The following PDE4B variants were observed in gnomAD, a reference collection of about 807,000 sequenced individuals.
The protein encoded by PDE4B is phosphodiesterase 4B, also known as 3',5'-cyclic-AMP phosphodiesterase 4B.
In PDE4B, 20 loss-of-function variants were observed where a neutral mutation model predicts 82.2. The ratio of observed to expected loss-of-function variants is 0.24; its 90% CI spans 0.17 to 0.35. The LOEUF is 0.35. Ranked by LOEUF, PDE4B falls within the 10% of genes least tolerant of loss-of-function variation. PDE4B has a pLI of 1.00. For synonymous variants in PDE4B, 320 were observed against 318.9 expected (o/e 1.00, Z -0.04); for missense variants, 655 against 907.2 (o/e 0.72, Z 3.57).
intron 3 of PDE4B, among the ~76,000 whole-genome samples, chr1:66,216,257 AATT>A (rs1650448245): frequency 6.6e-6 from 1 of 151,394 alleles, no homozygotes; most frequent in South Asian, 2.1e-4. Context: ...TATCTATTTC[AATT>A]GATAGGTTAA....
intron 3 of PDE4B, among the ~76,000 whole-genome samples, chr1:66,219,205 C>T (rs541060708): frequency 2.6e-5 from 4 of 151,912 alleles, no homozygotes; most frequent in African/African-American, 4.8e-5. Flanking sequence ...GGTGCAGTGG[C>T]GAGGGCAACA....
At chr1:65,888,422 C>T (rs1239612104) in intron 1 of PDE4B, among the ~76,000 whole-genome samples, 2 of 152,058 alleles carry the variant, frequency 1.3e-5, no homozygotes, top group South Asian at 2.1e-4. Flanking sequence ...ATTGCTTTGG[C>T]AGTTCAGACT....
At chr1:66,071,266 A>C (rs554734340) in intron 3 of PDE4B, among the ~76,000 whole-genome samples, 1 of 152,050 alleles carries the variant, frequency 6.6e-6, no homozygotes, top group Non-Finnish European at 1.5e-5. Flanking sequence ...TTGGCTGTCC[A>C]CTTACTATAT....
intron 3 of PDE4B, among the ~76,000 whole-genome samples, chr1:66,044,413 A>G (rs1654568774): frequency 6.6e-6 from 1 of 151,754 alleles, no homozygotes; most frequent in African/African-American, 2.4e-5. Flanking sequence ...GCCGAATGAA[A>G]AGACATATGT....
intron 1 of PDE4B, among the ~76,000 whole-genome samples, chr1:65,894,625 G>A (rs1007428542): frequency 6.6e-6 from 1 of 152,094 alleles, no homozygotes; most frequent in South Asian, 2.1e-4. Flanking sequence ...CATATATCTT[G>A]TAAATAATTT....
At chr1:66,227,092 G>T (rs1312832664) in intron 3 of PDE4B, among the ~76,000 whole-genome samples, 2 of 152,234 alleles carry the variant, frequency 1.3e-5, no homozygotes, top group Non-Finnish European at 2.9e-5. Context: ...TGATTGAGAA[G>T]GGAAGGACTG....
chr1:65,998,759 A>T (rs1418067630), intron 3 of PDE4B, among the ~76,000 whole-genome samples: 1 of 152,078 alleles, frequency 6.6e-6, no homozygotes, highest in African/African-American at 2.4e-5. Flanking sequence ...TCAAACAATC[A>T]GCAAAGGTGC....
chr1:66,222,086 G>T (rs1331766143), intron 3 of PDE4B, among the ~76,000 whole-genome samples: 8 of 152,094 alleles, frequency 5.3e-5, no homozygotes, highest in African/African-American at 1.9e-4. Context: ...TACCATATTA[G>T]CTCTGGCTTC....
chr1:66,232,269 T>C (rs991775739), intron 3 of PDE4B, among the ~76,000 whole-genome samples: 2 of 152,232 alleles, frequency 1.3e-5, no homozygotes, highest in African/African-American at 4.8e-5. Flanking sequence ...GCAAAAGCAG[T>C]GCAGAGACAG....
At chr1:66,364,579 A>G (rs1012536776) in intron 12 of PDE4B, among the ~76,000 whole-genome samples, 13 of 152,170 alleles carry the variant, frequency 8.5e-5, no homozygotes, top group Admixed American at 7.9e-4. Context: ...AAGGTGAAAA[A>G]AGATTGGCCA....
At chr1:66,218,074 C>T (rs1414051612) in intron 3 of PDE4B, among the ~76,000 whole-genome samples, 3 of 152,044 alleles carry the variant, frequency 2.0e-5, no homozygotes, top group African/African-American at 7.2e-5. Flanking sequence ...TCAGCATTAG[C>T]CTGGTAATTG....
intron 3 of PDE4B, among the ~76,000 whole-genome samples, chr1:65,994,718 C>T (rs887938187): frequency 6.6e-6 from 1 of 151,902 alleles, no homozygotes; most frequent in Admixed American, 6.6e-5. Flanking sequence ...TATTAAATTG[C>T]TATTTTAACC....
intron 1 of PDE4B, among the ~76,000 whole-genome samples, chr1:65,862,986 T>C (rs546389930): frequency 1.2e-4 from 18 of 152,276 alleles, no homozygotes; most frequent in African/African-American, 4.3e-4. Context: ...GTTAATGTTT[T>C]CAAAAAACCA....
At chr1:65,985,664 C>T (rs1177265084) in intron 3 of PDE4B, among the ~76,000 whole-genome samples, 3 of 152,136 alleles carry the variant, frequency 2.0e-5, no homozygotes. Context: ...ATGGGAACAG[C>T]TTCCCCTTCC....
At chr1:66,196,192 A>T (rs954246623) in intron 3 of PDE4B, among the ~76,000 whole-genome samples, 6 of 152,226 alleles carry the variant, frequency 3.9e-5, no homozygotes, top group African/African-American at 1.4e-4. Flanking sequence ...AAGGGCAAAT[A>T]GCATAGGAAG....
intron 3 of PDE4B, among the ~76,000 whole-genome samples, chr1:65,935,739 C>T (rs1648090500): frequency 6.6e-6 from 1 of 152,016 alleles, no homozygotes; most frequent in Non-Finnish European, 1.5e-5. Context: ...GTCGAGAGTT[C>T]GAGACCAGCC....
chr1:66,021,373 A>G (rs540660214), intron 3 of PDE4B, among the ~76,000 whole-genome samples: 1 of 152,264 alleles, frequency 6.6e-6, no homozygotes, highest in South Asian at 2.1e-4. Flanking sequence ...TTGGTGTTTT[A>G]GTCATGAAGT....
chr1:65,986,758 TA>T (rs1650972499), intron 3 of PDE4B, among the ~76,000 whole-genome samples: 1 of 152,210 alleles, frequency 6.6e-6, no homozygotes, highest in South Asian at 2.1e-4. Flanking sequence ...AAACAGATGA[TA>T]ACAAAGTCGT....
chr1:65,920,379 T>A (rs1181365145), intron 3 of PDE4B, among the ~76,000 whole-genome samples: 1 of 152,222 alleles, frequency 6.6e-6, no homozygotes, highest in East Asian at 1.9e-4. Flanking sequence ...TGGGTGTTGG[T>A]GCTATATCTG....
Sources: allele counts gnomAD v4.1 joint callset (sites outside exome capture counted in the v4.1 genomes callset), GRCh38; gene constraint gnomAD v4.1.1; transcripts MANE v1.5; gene names NCBI Gene and HGNC (gene_info 2026-07-23, HGNC 2026-07-21).